The following CPNE8 variants were observed in gnomAD, a reference collection of about 807,000 sequenced individuals.
CPNE8 encodes copine-8.
A neutral mutation model predicts 81.5 loss-of-function variants in CPNE8; 45 were observed. The ratio of observed to expected loss-of-function variants is 0.55; its 90% CI spans 0.44 to 0.71. The LOEUF (loss-of-function observed/expected upper bound fraction) is 0.71. CPNE8 is among the 30% of genes least tolerant of loss of function. The pLI, the probability that CPNE8 is intolerant of heterozygous loss-of-function variation, is 0.00. For missense variants in CPNE8, 594 were observed against 672.1 expected (o/e 0.88, Z 1.28); for synonymous variants, 252 against 226.3 (o/e 1.11, Z -1.02).
intron 13 of CPNE8, among the ~76,000 whole-genome samples, chr12:38,715,874 G>C (rs1940374555): frequency 6.6e-6 from 1 of 152,026 alleles, no homozygotes; most frequent in African/African-American, 2.4e-5. Context: ...CCAGTGATAT[G>C]ACCGTATATC....
chr12:38,742,194 A>G (rs1941123061), intron 10 of CPNE8, among the ~76,000 whole-genome samples: 1 of 152,188 alleles, frequency 6.6e-6, no homozygotes. Flanking sequence ...AAAGGATTAT[A>G]AATCATGCCG....
chr12:38,752,514 G>A (rs1941371633), intron 10 of CPNE8, among the ~76,000 whole-genome samples: 2 of 152,052 alleles, frequency 1.3e-5, no homozygotes, highest in Non-Finnish European at 2.9e-5. Flanking sequence ...GGCCTCCCAG[G>A]ACCCTATTCC....
In CPNE8 at chr12:38,762,151, T is replaced by C. The variant is rs1941586592; in HGVS notation, c.641A>G (p.Lys214Arg). 3.7e-6 allele frequency: 6 copies of C among 1,603,444 alleles called. No homozygotes were observed. The highest frequency in any genetic ancestry group is 5.1e-6 in the Non-Finnish European group (6 of 1,174,272). ...ATTACATAATGCTCTGACTGAGATC[T>C]TGAATGCTTGCCATACTGGATTTAG... ...NTLNPVWQAFKISVRALCNGD... is the reference protein window; with the variant it reads ...NTLNPVWQAFRISVRALCNGD... Residue 214 changes from lysine (K) to arginine (R), a missense_variant, in exon 9 of 20, where the codon AAG becomes AGG. Physicochemically the swap from Lys to Arg is conservative, Grantham distance 26. Transcript: ENST00000331366.
intron 1 of CPNE8, among the ~76,000 whole-genome samples, chr12:38,879,315 TC>T (rs1944115368): frequency 1.3e-5 from 2 of 150,128 alleles, no homozygotes; most frequent in African/African-American, 4.9e-5. Flanking sequence ...AGTCTCTGTT[TC>T]CCCTTTTTTT....
At chr12:38,733,291 T>C (rs992561893) in intron 10 of CPNE8, among the ~76,000 whole-genome samples, 2 of 151,944 alleles carry the variant, frequency 1.3e-5, no homozygotes, top group Non-Finnish European at 2.9e-5. Context: ...CACAGATACT[T>C]ACTCTAAAGA....
At position 38,771,405 on chromosome 12, in the gene CPNE8, G is replaced by T. The variant is rs191940444; in HGVS notation, c.472-3667C>A. 8.6e-4 allele frequency among the ~76,000 whole-genome samples: 130 copies of T among 152,030 alleles called. 1 individual carries two copies. The highest frequency in any genetic ancestry group is 2.9e-3 in the African/African-American group (122 of 41,456). ...ACTTGAGCCCAGGAGCTCAAAGCCT[G>T]CAGTTAGCCAAAATTGTGCCACTGC... On this transcript the variant is annotated intron_variant, in intron 7 of 19. Transcript: ENST00000331366.
intron 10 of CPNE8, among the ~76,000 whole-genome samples, chr12:38,748,942 A>G (rs1941296991): frequency 6.6e-6 from 1 of 152,116 alleles, no homozygotes; most frequent in Non-Finnish European, 1.5e-5. Flanking sequence ...ATTAGTTTAA[A>G]TGTTATTTGT....
intron 10 of CPNE8, 127 bp downstream of exon 10, chr12:38,760,720 A>G: frequency 1.4e-6 from 1 of 736,600 alleles, no homozygotes; most frequent in Non-Finnish European, 2.3e-6. Context: ...TAAATGCATC[A>G]GTAACATTTG....
At chr12:38,790,640 G>T (rs1287752231) in intron 6 of CPNE8, among the ~76,000 whole-genome samples, 1 of 151,586 alleles carries the variant, frequency 6.6e-6, no homozygotes, top group Non-Finnish European at 1.5e-5. Flanking sequence ...TGCTTGAGGG[G>T]ATGGATACCA....
chr12:38,855,909 GAGAC>G (rs1344595109), intron 3 of CPNE8, among the ~76,000 whole-genome samples: 1 of 151,818 alleles, frequency 6.6e-6, no homozygotes, highest in Non-Finnish European at 1.5e-5. Flanking sequence ...CTGAAAGAAA[GAGAC>G]AGAAAGGAAC....
intron 6 of CPNE8, among the ~76,000 whole-genome samples, chr12:38,824,576 C>CAAA (rs5797596): frequency 4.2e-5 from 6 of 141,914 alleles, no homozygotes; most frequent in Non-Finnish European, 3.1e-5. Context: ...GGAAAGAAAG[C>CAAA]AAAAAAAAAA....
chr12:38,746,856 T>C (rs1214213917), intron 10 of CPNE8, among the ~76,000 whole-genome samples: 3 of 152,202 alleles, frequency 2.0e-5, no homozygotes, highest in African/African-American at 4.8e-5. Flanking sequence ...GAGATTGAAT[T>C]TGCATATGAC....
At chr12:38,677,582 G>A in intron 16 of CPNE8, 28 bp from the exon 17 acceptor site, 2 of 1,337,458 alleles carry the variant, frequency 1.5e-6, no homozygotes, top group South Asian at 2.4e-5. Context: ...GGTAAGGAAA[G>A]TAAAACAGTT....
At position 38,653,296 on chromosome 12, in the gene CPNE8, T is replaced by C. The variant is rs993232179; in HGVS notation, c.*586A>G. On this transcript the variant is annotated 3_prime_UTR_variant, in exon 20 of 20. Transcript: ENST00000331366. The stretch of plus-strand genomic sequence containing the variant: ...AATTGTTTATTAAGCAGATGTAGTT[T>C]CTTAAGACAATCCAGTTACTGAAAA... 3 of 152,636 alleles carry C rather than the reference T, an allele frequency of 2.0e-5. No individual in the cohort carries two copies. The highest frequency in any genetic ancestry group is 4.4e-5 in the Non-Finnish European group (3 of 68,038). 9.5% of individuals were successfully genotyped at this position (152,636 alleles called of 1,614,324 possible).
At chr12:38,863,887 TA>T (rs1310144579) in intron 3 of CPNE8, among the ~76,000 whole-genome samples, 7 of 151,336 alleles carry the variant, frequency 4.6e-5, no homozygotes, top group East Asian at 3.9e-4. Context: ...CCGTCTCTAC[TA>T]AAAAATACAA....
intron 6 of CPNE8, among the ~76,000 whole-genome samples, chr12:38,797,096 G>C (rs960216285): frequency 6.6e-6 from 1 of 152,198 alleles, no homozygotes; most frequent in Non-Finnish European, 1.5e-5. Flanking sequence ...GCCTGCCTCT[G>C]TAGGCTCCAC....
chr12:38,700,600 C>G (rs1226914274), intron 14 of CPNE8, among the ~76,000 whole-genome samples: 1 of 152,046 alleles, frequency 6.6e-6, no homozygotes. Context: ...AAATGCTTTT[C>G]CTGCATCAGT....
chr12:38,665,707 G>A (rs150245642), intron 19 of CPNE8, among the ~76,000 whole-genome samples: 11 of 152,172 alleles, frequency 7.2e-5, no homozygotes, highest in African/African-American at 1.4e-4. Context: ...GCAGCCAGGC[G>A]GAATGGCACT....
In CPNE8 at chr12:38,781,103, A is replaced by G. The variant is rs755759420; in HGVS notation, c.408-4802T>C. 1.3e-4 allele frequency among the ~76,000 whole-genome samples: 20 copies of G among 152,202 alleles called. 1 individual carries two copies. The South Asian group carries it at 3.3e-3, about 25-fold the overall frequency. On this transcript the variant is annotated intron_variant, in intron 6 of 19. Coordinates refer to ENST00000331366, the MANE Select transcript of CPNE8 (RefSeq NM_153634.3). ...AAATATGCTGAAAAAATAGAATTTC[A>G]TAAAAAATGAGTAAATATGTTTAAA...
Sources: allele counts gnomAD v4.1 joint callset (sites outside exome capture counted in the v4.1 genomes callset), GRCh38; gene constraint gnomAD v4.1.1; transcripts MANE v1.5; gene names NCBI Gene and HGNC (gene_info 2026-07-23, HGNC 2026-07-21).